Variants in MAGI3 observed in about 807,000 individuals in gnomAD.
MAGI3 encodes membrane associated guanylate kinase, WW and PDZ domain containing 3.
In MAGI3, 43 loss-of-function variants were observed where a neutral mutation model predicts 121.8. The observed-to-expected ratio is 0.35, with a 90% confidence interval of 0.28 to 0.46. The LOEUF is 0.46. MAGI3 is among the 20% of genes least tolerant of loss of function. The pLI is 1.00. For missense variants in MAGI3, 1,547 were observed against 1,797.3 expected, an observed-to-expected ratio of 0.86 and a Z score of 2.52; for synonymous variants, 553 against 639.3, an observed-to-expected ratio of 0.86 and a Z score of 2.04.
At chr1:113,487,562 T>C (rs1656446242) in intron 1 of MAGI3, among the ~76,000 whole-genome samples, 2 of 152,166 alleles carry the variant, frequency 1.3e-5, no homozygotes, top group African/African-American at 4.8e-5. Flanking sequence ...GCATGAGGTA[T>C]GCATAATTCA....
In MAGI3 at chr1:113,649,301, G is replaced by GC; in HGVS notation, c.2221dup (p.Leu741ProfsTer7). 1 of 1,613,056 alleles carries GC rather than the reference G, an allele frequency of 6.2e-7. No homozygotes were observed. The highest frequency in any genetic ancestry group is 8.5e-7 in the Non-Finnish European group (1 of 1,179,494). On this transcript the variant is annotated frameshift_variant, in exon 13 of 21. Coordinates refer to ENST00000307546, the MANE Select transcript of MAGI3 (RefSeq NM_001142782.2). LOFTEE classifies it high-confidence loss of function. The stretch of plus-strand genomic sequence containing the variant: ...AAGAGTCAGGGTTTGGCTTCAGGGT[G>GC]CTAGGAGGAGATGGACCTGACCAGT...
intron 16 of MAGI3, among the ~76,000 whole-genome samples, chr1:113,669,465 A>C (rs1416604331): frequency 6.6e-6 from 1 of 152,202 alleles, no homozygotes; most frequent in Non-Finnish European, 1.5e-5. Context: ...ACATGAGGTG[A>C]AATGGAAAGC....
At chr1:113,518,412 T>C (rs1658028093) in intron 1 of MAGI3, among the ~76,000 whole-genome samples, 1 of 152,118 alleles carries the variant, frequency 6.6e-6, no homozygotes. Flanking sequence ...CTTATATACA[T>C]TTTAGGAGTT....
intron 1 of MAGI3, among the ~76,000 whole-genome samples, chr1:113,463,149 A>T (rs1655113627): frequency 6.6e-6 from 1 of 152,050 alleles, no homozygotes; most frequent in South Asian, 2.1e-4. Context: ...ATACCAAGGG[A>T]TAAGTTTGAA....
At chr1:113,516,312 G>T (rs1239061389) in intron 1 of MAGI3, among the ~76,000 whole-genome samples, 1 of 139,500 alleles carries the variant, frequency 7.2e-6, no homozygotes, top group Non-Finnish European at 1.5e-5. Flanking sequence ...AGAAATGGCA[G>T]ATTCTAGGAC....
intron 1 of MAGI3, among the ~76,000 whole-genome samples, chr1:113,523,570 G>A (rs538296695): frequency 1.3e-5 from 2 of 152,296 alleles, no homozygotes; most frequent in South Asian, 4.1e-4. Context: ...GCAGCATTTT[G>A]CCCCTGCCCT....
chr1:113,416,054 A>T, intron 1 of MAGI3, among the ~76,000 whole-genome samples: 1 of 148,914 alleles, frequency 6.7e-6, no homozygotes, highest in Non-Finnish European at 1.5e-5. Context: ...GTAATTAATG[A>T]CACATATTAA....
intron 16 of MAGI3, among the ~76,000 whole-genome samples, chr1:113,668,211 G>A (rs1373417677): frequency 6.6e-6 from 1 of 152,094 alleles, no homozygotes; most frequent in African/African-American, 2.4e-5. Flanking sequence ...GCCCAATGCA[G>A]GGTTGCCATA....
At chr1:113,532,901 C>A (rs1658792872) in intron 1 of MAGI3, among the ~76,000 whole-genome samples, 1 of 152,164 alleles carries the variant, frequency 6.6e-6, no homozygotes, top group Non-Finnish European at 1.5e-5. Context: ...CTTGAACTTA[C>A]AACAGACTTT....
At chr1:113,632,163 T>C (rs1047206361) in intron 9 of MAGI3, among the ~76,000 whole-genome samples, 1 of 152,216 alleles carries the variant, frequency 6.6e-6, no homozygotes, top group Non-Finnish European at 1.5e-5. Context: ...ATAATCAAGT[T>C]ATACTTGTAA....
At chr1:113,398,466 C>T (rs1411938473) in intron 1 of MAGI3, among the ~76,000 whole-genome samples, 4 of 152,058 alleles carry the variant, frequency 2.6e-5, no homozygotes, top group South Asian at 2.1e-4. Context: ...GAACGGTAAC[C>T]GATCTACTTA....
intron 1 of MAGI3, among the ~76,000 whole-genome samples, chr1:113,443,596 C>T (rs922002003): frequency 4.1e-4 from 62 of 152,146 alleles, no homozygotes; most frequent in East Asian, 1.9e-4. Context: ...ACCAATGATT[C>T]GTTACTTACC....
chr1:113,468,598 T>G (rs1655400612), intron 1 of MAGI3, among the ~76,000 whole-genome samples: 1 of 151,916 alleles, frequency 6.6e-6, no homozygotes, highest in Non-Finnish European at 1.5e-5. Context: ...TAGATCAGAG[T>G]TTTTCCGGTA....
chr1:113,576,984 T>C (rs1647687592), intron 2 of MAGI3: 1 of 152,208 alleles, frequency 6.6e-6, no homozygotes, highest in African/African-American at 2.4e-5. Context: ...GCATGTTATG[T>C]GATTCCATTC....
intron 6 of MAGI3, among the ~76,000 whole-genome samples, chr1:113,599,166 A>C (rs1053619756): frequency 6.6e-6 from 1 of 152,162 alleles, no homozygotes; most frequent in Non-Finnish European, 1.5e-5. Context: ...AGAACTAGAA[A>C]AGCAAGAGCA....
intron 18 of MAGI3, 103 bp from the exon 19 acceptor site, chr1:113,673,219 T>G (rs1571032597): frequency 3.7e-6 from 5 of 1,338,414 alleles, no homozygotes; most frequent in East Asian, 2.4e-5. Context: ...AAATGCACAT[T>G]GAGAGTATAA....
intron 6 of MAGI3, among the ~76,000 whole-genome samples, chr1:113,609,065 A>G (rs990863721): frequency 6.6e-6 from 1 of 152,150 alleles, no homozygotes; most frequent in Non-Finnish European, 1.5e-5. Context: ...AACATTGCCT[A>G]TACTTATCTT....
At chr1:113,679,550 A>T (rs1419512581) in intron 19 of MAGI3, among the ~76,000 whole-genome samples, 1 of 152,146 alleles carries the variant, frequency 6.6e-6, no homozygotes, top group Non-Finnish European at 1.5e-5. Flanking sequence ...AATCAGTACC[A>T]TCATTATGTT....
intron 1 of MAGI3, among the ~76,000 whole-genome samples, chr1:113,503,219 TAAAAAAAAAAAAA>T (rs869272201): frequency 0.24 from 2,135 of 8,764 alleles, 32 homozygotes; most frequent in East Asian, 0.28. Context: ...AGAGTATAAT[TAAAAAAAAAAAAA>T]AAAAAAAAAA....
Sources: allele counts gnomAD v4.1 joint callset (sites outside exome capture counted in the v4.1 genomes callset), GRCh38; gene constraint gnomAD v4.1.1; transcripts MANE v1.5; gene names NCBI Gene and HGNC (gene_info 2026-07-23, HGNC 2026-07-21).